The following CSMD1 variants were observed in gnomAD, a reference collection of about 807,000 sequenced individuals.
CSMD1 encodes CUB and Sushi multiple domains 1, also known as CUB and sushi domain-containing protein 1.
A neutral mutation model predicts 417.5 loss-of-function variants in CSMD1; 213 were observed. The ratio of observed to expected loss-of-function variants is 0.51; its 90% CI spans 0.46 to 0.57. The LOEUF (loss-of-function observed/expected upper bound fraction) is 0.57, where lower values mean the gene tolerates loss of function less well. Ranked by LOEUF, CSMD1 falls within the 20% of genes least tolerant of loss-of-function variation. CSMD1 has a pLI of 0.00. For synonymous variants in CSMD1, 2,862 were observed against 1,736.8 expected (o/e 1.65, Z -16.11); for missense variants, 6,923 against 4,529.7 (o/e 1.53, Z -15.17).
At chr8:2,938,830 A>G in intron 69 of CSMD1, 86 bp from the exon 70 acceptor site, 1 of 1,226,102 alleles carries the variant, frequency 8.2e-7, no homozygotes. Context: ...GACAACGTCT[A>G]CAGAGCAGGG....
intron 37 of CSMD1, among the ~76,000 whole-genome samples, chr8:3,173,816 A>G (rs1017205364): frequency 1.3e-5 from 2 of 152,230 alleles, no homozygotes; most frequent in Admixed American, 6.5e-5. Context: ...ATGTAATATT[A>G]AAGTGCCATT....
At chr8:4,015,185 C>T (rs1796462447) in intron 4 of CSMD1, among the ~76,000 whole-genome samples, 2 of 152,176 alleles carry the variant, frequency 1.3e-5, no homozygotes, top group African/African-American at 2.4e-5. Flanking sequence ...TTCAGTCTTA[C>T]TTTGTATTTC....
intron 10 of CSMD1, among the ~76,000 whole-genome samples, chr8:3,553,073 A>G (rs948212913): frequency 4.0e-5 from 6 of 151,896 alleles, no homozygotes; most frequent in East Asian, 1.9e-4. Flanking sequence ...ATAAAATATT[A>G]TTCTTAAAAC....
At chr8:3,679,391 T>C (rs558215198) in intron 7 of CSMD1, among the ~76,000 whole-genome samples, 1 of 152,242 alleles carries the variant, frequency 6.6e-6, no homozygotes, top group Admixed American at 6.5e-5. Flanking sequence ...AATCCTAGTC[T>C]CTGATAAAAG....
At chr8:3,906,916 A>G (rs983529986) in intron 5 of CSMD1, among the ~76,000 whole-genome samples, 5 of 152,202 alleles carry the variant, frequency 3.3e-5, no homozygotes, top group African/African-American at 1.2e-4. Flanking sequence ...CCTGAACTTG[A>G]CAAGTGAACC....
intron 1 of CSMD1, among the ~76,000 whole-genome samples, chr8:4,979,977 G>A (rs562840937): frequency 2.0e-5 from 3 of 152,296 alleles, no homozygotes; most frequent in Admixed American, 6.5e-5. Flanking sequence ...GGCGCAGCTT[G>A]CAGTGAGCCA....
At chr8:3,896,532 G>C (rs10086037) in intron 5 of CSMD1, among the ~76,000 whole-genome samples, 48,439 of 151,438 alleles carry the variant, frequency 0.32, 9,015 homozygotes, top group South Asian at 0.52. Context: ...ATTATTTTGA[G>C]ACAGAGTCTC....
intron 3 of CSMD1, among the ~76,000 whole-genome samples, chr8:4,382,263 C>G (rs1009294758): frequency 2.0e-5 from 3 of 152,142 alleles, no homozygotes; most frequent in Non-Finnish European, 4.4e-5. Context: ...GATCATTGAC[C>G]TGACAGCACT....
chr8:4,406,115 C>T (rs1463294633), intron 3 of CSMD1, among the ~76,000 whole-genome samples: 1 of 152,136 alleles, frequency 6.6e-6, no homozygotes, highest in Non-Finnish European at 1.5e-5. Flanking sequence ...CACAGCGGAA[C>T]CAAACAGCTG....
intron 25 of CSMD1, among the ~76,000 whole-genome samples, chr8:3,304,619 TTTGATAG>T (rs1804672703): frequency 6.6e-6 from 1 of 152,196 alleles, no homozygotes; most frequent in Non-Finnish European, 1.5e-5. Flanking sequence ...TATTTATAAA[TTTGATAG>T]TGTGTACCTC....
intron 12 of CSMD1, among the ~76,000 whole-genome samples, chr8:3,433,235 G>C (rs1432003325): frequency 2.0e-5 from 3 of 152,286 alleles, no homozygotes; most frequent in Admixed American, 6.5e-5. Flanking sequence ...TAGAGATGTA[G>C]TTACTTTTCT....
chr8:3,408,073 G>T lies in CSMD1; in HGVS notation c.1897C>A (p.Pro633Thr), dbSNP rs777009293. Residue 633 changes from proline to threonine, a missense_variant, in exon 14 of 70, where the codon CCT becomes ACT. By Grantham distance (38) the Pro-to-Thr change is conservative. Transcript: ENST00000635120. Reference protein sequence around the residue: ...HLIFNDFDVEPQFDFLAVKDD... With the variant: ...HLIFNDFDVETQFDFLAVKDD... ...TTGACCGCGAGAAAGTCAAACTGAG[G>T]CTCAACATCAAAATCATTAAAGATT... The T allele has an allele frequency of 3.1e-6, 5 of 1,613,632 alleles. No homozygotes were observed. Among genetic ancestry groups the T allele is most frequent in the Non-Finnish European group, 4.2e-6 (5 of 1,179,868 alleles).
At chr8:3,007,786 G>A (rs1405279252) in intron 52 of CSMD1, among the ~76,000 whole-genome samples, 2 of 118,474 alleles carry the variant, frequency 1.7e-5, no homozygotes, top group Non-Finnish European at 3.4e-5. Flanking sequence ...TGGGGGGAGG[G>A]GGGAGGGATA....
chr8:3,224,384 C>T lies in CSMD1; in HGVS notation c.4346-517G>A, dbSNP rs182526072. Among the ~76,000 whole-genome samples the T allele has an allele frequency of 4.6e-4, 70 of 152,274 alleles. 1 individual carries two copies. Among genetic ancestry groups the T allele is most frequent in the Non-Finnish European group, 5.1e-4 (35 of 68,022 alleles). ...CTCCTGTTCATTGTTTTATCCCAAACGTCTAGGCGGTTTCTGGATCTGAAC... is the reference window on the plus strand; with the variant it reads ...CTCCTGTTCATTGTTTTATCCCAAATGTCTAGGCGGTTTCTGGATCTGAAC... On this transcript the variant is annotated intron_variant, in intron 27 of 69. Transcript: ENST00000635120.
At chr8:4,933,476 G>C (rs1037642882) in intron 1 of CSMD1, among the ~76,000 whole-genome samples, 2 of 152,208 alleles carry the variant, frequency 1.3e-5, no homozygotes, top group African/African-American at 4.8e-5. Flanking sequence ...GGAGAGAACT[G>C]TCAGTGCAGA....
At chr8:3,645,471 C>G (rs1339137166) in intron 7 of CSMD1, among the ~76,000 whole-genome samples, 2 of 152,084 alleles carry the variant, frequency 1.3e-5, no homozygotes, top group Admixed American at 1.3e-4. Flanking sequence ...CATTTACTAA[C>G]TGAAAATGGG....
At chr8:4,356,758 C>T (rs9314529) in intron 3 of CSMD1, among the ~76,000 whole-genome samples, 115,486 of 151,964 alleles carry the variant, frequency 0.76, 44,372 homozygotes, top group African/African-American at 0.88. Flanking sequence ...CCGTGAATGA[C>T]TGGAACCGAG....
In CSMD1 at chr8:3,960,891, A is replaced by G. The variant is rs796316916; in HGVS notation, c.818+37012T>C. 2.0e-5 allele frequency among the ~76,000 whole-genome samples: 3 copies of G among 152,178 alleles called. No homozygotes were observed. In the South Asian group the frequency reaches 6.2e-4, roughly 32 times the overall value. Reference sequence around the variant, plus strand: ...TATACCTAATGTTTATACAAAGCTCATATCACAAAAGTCCTCTAGACTTAG... The same window carrying G: ...TATACCTAATGTTTATACAAAGCTCGTATCACAAAAGTCCTCTAGACTTAG... On this transcript the variant is annotated intron_variant, in intron 5 of 69. Transcript: ENST00000635120.
chr8:4,164,938 G>C (rs1224367223), intron 3 of CSMD1, among the ~76,000 whole-genome samples: 6 of 151,844 alleles, frequency 4.0e-5, no homozygotes. Context: ...CTGAAAAAGA[G>C]ACTTCATTAT....
Sources: gnomAD v4.1 joint callset for allele counts (sites outside exome capture counted in the v4.1 genomes callset) on GRCh38, gnomAD v4.1.1 for gene constraint, MANE v1.5 for transcripts, NCBI Gene and HGNC (gene_info 2026-07-23, HGNC 2026-07-21) for gene names.